Variants in SCAI observed in about 807,000 individuals in gnomAD.
SCAI encodes the protein protein SCAI.
SCAI carries 24 observed loss-of-function variants against 92.2 expected under a neutral mutation model. The observed-to-expected ratio is 0.26, with a 90% CI of 0.19 to 0.37. SCAI has a LOEUF of 0.37. SCAI is among the 10% of genes least tolerant of loss of function. The pLI is 1.00. For missense variants in SCAI, 450 were observed against 736.2 expected (o/e 0.61, Z 4.50); for synonymous variants, 261 against 258.6 (o/e 1.01, Z -0.09).
At chr9:124,980,764 T>G (rs1831869543) in intron 14 of SCAI, among the ~76,000 whole-genome samples, 1 of 152,194 alleles carries the variant, frequency 6.6e-6, no homozygotes, top group African/African-American at 2.4e-5. Flanking sequence ...ATCTTTTTCT[T>G]TTGCTGGTTT....
intron 14 of SCAI, among the ~76,000 whole-genome samples, chr9:124,986,624 A>G (rs1055509408): frequency 3.9e-5 from 6 of 152,228 alleles, no homozygotes; most frequent in African/African-American, 1.2e-4. Flanking sequence ...TGAAGAGAAA[A>G]TGAGAATTTC....
chr9:125,039,385 CAAAAAAAA>C, intron 3 of SCAI, among the ~76,000 whole-genome samples: 1 of 48,344 alleles, frequency 2.1e-5, no homozygotes, highest in South Asian at 6.6e-4. Context: ...GACTCCATCT[CAAAAAAAA>C]AAAAAAAAAA....
intron 14 of SCAI, among the ~76,000 whole-genome samples, chr9:124,983,162 TA>T (rs144047566): frequency 0.35 from 48,682 of 138,576 alleles, 8,104 homozygotes; most frequent in Admixed American, 0.4. Context: ...ACCTGTCTCT[TA>T]AAAAAAAAAA....
chr9:124,991,266 T>A (rs1975466), intron 14 of SCAI, among the ~76,000 whole-genome samples: 1 of 146,718 alleles, frequency 6.8e-6, no homozygotes. Context: ...GCAGGAGAAT[T>A]GCTTGAACCC....
At chr9:125,018,277 G>A (rs951769688) in intron 9 of SCAI, among the ~76,000 whole-genome samples, 1 of 151,834 alleles carries the variant, frequency 6.6e-6, no homozygotes, top group Admixed American at 6.6e-5. Flanking sequence ...GCATTCTGTA[G>A]TAGAGATGGG....
intron 9 of SCAI, 61 bp from the exon 10 acceptor site, chr9:125,003,631 CTT>C (rs1301468205): frequency 2.9e-6 from 3 of 1,021,500 alleles, no homozygotes; most frequent in Non-Finnish European, 4.6e-6. Flanking sequence ...ACTTTAAAGA[CTT>C]TTATCACGTT....
intron 14 of SCAI, among the ~76,000 whole-genome samples, chr9:124,988,855 A>T (rs1832050868): frequency 1.3e-5 from 2 of 152,184 alleles, no homozygotes; most frequent in Non-Finnish European, 2.9e-5. Flanking sequence ...GTAAATCCAG[A>T]CCAGCCAGGC....
At chr9:124,979,840 G>C (rs2131599127) in intron 14 of SCAI, among the ~76,000 whole-genome samples, 1 of 152,178 alleles carries the variant, frequency 6.6e-6, no homozygotes, top group East Asian at 1.9e-4. Flanking sequence ...ACGAGGTCGG[G>C]TGATCGAGAC....
At chr9:125,122,750 C>CA (rs1256519265) in intron 2 of SCAI, among the ~76,000 whole-genome samples, 1 of 151,932 alleles carries the variant, frequency 6.6e-6, no homozygotes, top group Non-Finnish European at 1.5e-5. Flanking sequence ...ACCAAAAATA[C>CA]AAAAAATTTT....
intron 2 of SCAI, among the ~76,000 whole-genome samples, chr9:125,087,873 T>C (rs543813326): frequency 6.6e-6 from 1 of 152,270 alleles, no homozygotes; most frequent in Non-Finnish European, 1.5e-5. Context: ...ATACCTAGAA[T>C]TTGCTTCAAA....
intron 5 of SCAI, 99 bp downstream of exon 5, chr9:125,028,293 A>G: frequency 1.5e-6 from 1 of 671,166 alleles, no homozygotes; most frequent in South Asian, 1.8e-5. Context: ...GTAACTCGTG[A>G]TTTTCATGCC....
At chr9:125,115,197 C>T (rs1392099120) in intron 2 of SCAI, among the ~76,000 whole-genome samples, 1 of 151,626 alleles carries the variant, frequency 6.6e-6, no homozygotes, top group Non-Finnish European at 1.5e-5. Flanking sequence ...ACGATGAAAC[C>T]CCGTCTCTAC....
intron 2 of SCAI, among the ~76,000 whole-genome samples, chr9:125,132,035 G>C (rs75441844): frequency 0.013 from 1,955 of 152,112 alleles, 101 homozygotes; most frequent in Admixed American, 0.082. Context: ...TTTTTACACC[G>C]TGTTACTGTA....
At position 124,944,531 on chromosome 9, in the gene SCAI, C is replaced by A. The variant is rs1831112380; in HGVS notation, c.*8276G>T. 7.2e-6 allele frequency: 1 copy of A among 138,790 alleles called. No individual in the cohort carries two copies. The allele number at this position is 138,790 out of a possible 1,614,324, so 8.6% of individuals were successfully genotyped here. Reference sequence around the variant, plus strand: ...ACAGGGTTTCACTGTATTGCCCAGACTGGTCTCCAACTCCTGAGTAATAAA... The same window carrying A: ...ACAGGGTTTCACTGTATTGCCCAGAATGGTCTCCAACTCCTGAGTAATAAA... On this transcript the variant is annotated 3_prime_UTR_variant, in exon 18 of 18. Transcript: ENST00000336505.
chr9:124,979,797 C>T (rs1170887525), intron 14 of SCAI, among the ~76,000 whole-genome samples: 1 of 152,152 alleles, frequency 6.6e-6, no homozygotes, highest in Non-Finnish European at 1.5e-5. Context: ...CGCCTGTAAT[C>T]CCAGCACTCT....
At chr9:125,131,860 GA>G (rs1014442763) in intron 2 of SCAI, among the ~76,000 whole-genome samples, 9 of 151,736 alleles carry the variant, frequency 5.9e-5, no homozygotes, top group African/African-American at 2.2e-4. Context: ...AGTTTTCCAA[GA>G]AACTACCTTC....
chr9:125,042,602 C>T (rs1833337867), intron 3 of SCAI, among the ~76,000 whole-genome samples: 1 of 104,596 alleles, frequency 9.6e-6, no homozygotes, highest in Non-Finnish European at 2.0e-5. Context: ...AAATGCATGG[C>T]TTCCACCAGA....
chr9:124,980,757 T>C (rs1227061517), intron 14 of SCAI, among the ~76,000 whole-genome samples: 3 of 152,204 alleles, frequency 2.0e-5, no homozygotes, highest in African/African-American at 7.2e-5. Context: ...CCCACTTATC[T>C]TTTTCTTTTG....
At chr9:125,000,955 G>A (rs777763055) in intron 12 of SCAI, among the ~76,000 whole-genome samples, 5 of 152,028 alleles carry the variant, frequency 3.3e-5, no homozygotes, top group Non-Finnish European at 5.9e-5. Flanking sequence ...ATCAAAGTAC[G>A]ATTACCTATC....
Sources: allele counts gnomAD v4.1 joint callset (sites outside exome capture counted in the v4.1 genomes callset), GRCh38; gene constraint gnomAD v4.1.1; transcripts MANE v1.5; gene names NCBI Gene and HGNC (gene_info 2026-07-23, HGNC 2026-07-21).